PMFBP1: variants seen among roughly 807,000 people sequenced by gnomAD.
PMFBP1 encodes the protein polyamine-modulated factor 1-binding protein 1.
PMFBP1 carries 131 observed loss-of-function variants against 137.8 expected under a neutral mutation model. That is an observed-to-expected ratio of 0.95 (90% CI 0.82 to 1.10). The LOEUF is 1.10. PMFBP1 is among the 50% of genes least tolerant of loss of function. The probability of loss-of-function intolerance (pLI) is 0.00; values close to 1 mark genes in which losing one functional copy is unlikely to be tolerated. For synonymous variants in PMFBP1, 490 were observed against 450.4 expected, an observed-to-expected ratio of 1.09 and a Z score of -1.11; for missense variants, 1,199 against 1,175.4, an observed-to-expected ratio of 1.02 and a Z score of -0.29.
At chr16:72,135,740 G>GTTTTTTTTT (rs869189990) in intron 9 of PMFBP1, among the ~76,000 whole-genome samples, 37 of 66,818 alleles carry the variant, frequency 5.5e-4, no homozygotes, top group Non-Finnish European at 6.5e-4. Flanking sequence ...TAATTTTTCT[G>GTTTTTTTTT]TTTTTTTTTT....
chr16:72,174,779 A>G (rs760326458), upstream of PMFBP1, among the ~76,000 whole-genome samples: 15 of 152,154 alleles, frequency 9.9e-5, no homozygotes, highest in Non-Finnish European at 1.6e-4. Context: ...CTCATTCACT[A>G]TCACGAGAAC....
chr16:72,196,003 GT>G, the PMFBP1 span, among the ~76,000 whole-genome samples: 1 of 151,526 alleles, frequency 6.6e-6, no homozygotes, highest in South Asian at 2.1e-4. Context: ...GTGTGTGTGT[GT>G]GTGTGTGTGT....
chr16:72,230,226 T>C, the PMFBP1 span, among the ~76,000 whole-genome samples: 1 of 152,230 alleles, frequency 6.6e-6, no homozygotes, highest in Admixed American at 6.5e-5. Flanking sequence ...ACCTCTCTGA[T>C]TGTCTTCCCT....
chr16:72,245,238 T>C, the PMFBP1 span, among the ~76,000 whole-genome samples: 1 of 152,358 alleles, frequency 6.6e-6, no homozygotes, highest in Admixed American at 6.5e-5. Context: ...TTATAACTAA[T>C]ATTTTTGAGC....
At chr16:72,154,004 T>G (rs1047718574) in intron 4 of PMFBP1, among the ~76,000 whole-genome samples, 2 of 150,078 alleles carry the variant, frequency 1.3e-5, no homozygotes, top group Non-Finnish European at 3.0e-5. Flanking sequence ...GCATGAATAC[T>G]GCAGCTTTCA....
At chr16:72,202,997 G>A in the PMFBP1 span, among the ~76,000 whole-genome samples, 1 of 152,270 alleles carries the variant, frequency 6.6e-6, no homozygotes, top group Non-Finnish European at 1.5e-5. Flanking sequence ...GTATTTTTCA[G>A]ACTTGGAAAT....
At chr16:72,245,471 T>C in the PMFBP1 span, among the ~76,000 whole-genome samples, 1 of 152,226 alleles carries the variant, frequency 6.6e-6, no homozygotes, top group African/African-American at 2.4e-5. Context: ...TGTAGTTTAG[T>C]AAACCATGAA....
the PMFBP1 span, among the ~76,000 whole-genome samples, chr16:72,187,736 T>A: frequency 6.6e-6 from 1 of 152,230 alleles, no homozygotes; most frequent in African/African-American, 2.4e-5. Context: ...AATTACCTTT[T>A]ACTCCCTCTG....
chr16:72,156,023 A>G (rs1473931054), intron 3 of PMFBP1, among the ~76,000 whole-genome samples: 2 of 152,068 alleles, frequency 1.3e-5, no homozygotes, highest in Non-Finnish European at 2.9e-5. Flanking sequence ...GTCTTGCTCC[A>G]TTGCCCAGGC....
intron 10 of PMFBP1, 98 bp from the exon 11 acceptor site, chr16:72,130,820 C>G: frequency 8.8e-7 from 1 of 1,134,304 alleles, no homozygotes; most frequent in East Asian, 2.6e-5. Context: ...ATTTTGTGCC[C>G]TACTTCAGTT....
At chr16:72,181,906 GGAA>G in the PMFBP1 span, among the ~76,000 whole-genome samples, 2 of 152,132 alleles carry the variant, frequency 1.3e-5, no homozygotes, top group Non-Finnish European at 2.9e-5. Context: ...GAGCCACATT[GGAA>G]GAAGAAGAAT....
chr16:72,163,622 C>T (rs975118070), intron 3 of PMFBP1, among the ~76,000 whole-genome samples: 1 of 152,062 alleles, frequency 6.6e-6, no homozygotes, highest in Admixed American at 6.5e-5. Context: ...GAGTGGGAGA[C>T]TGAAACAAGG....
chr16:72,241,452 A>G, the PMFBP1 span, among the ~76,000 whole-genome samples: 2 of 152,234 alleles, frequency 1.3e-5, no homozygotes. Flanking sequence ...AAAATTTCAA[A>G]GCCATCATAC....
the PMFBP1 span, among the ~76,000 whole-genome samples, chr16:72,182,237 G>A: frequency 1.3e-5 from 2 of 152,224 alleles, no homozygotes; most frequent in African/African-American, 4.8e-5. Context: ...GCTTACACCT[G>A]TAATCCCAGC....
the PMFBP1 span, among the ~76,000 whole-genome samples, chr16:72,209,399 T>C: frequency 6.6e-6 from 1 of 152,174 alleles, no homozygotes; most frequent in East Asian, 1.9e-4. Flanking sequence ...ACTGTACATA[T>C]ATTTTCAGTT....
At chr16:72,126,161 G>T in intron 14 of PMFBP1, 29 bp from the exon 15 acceptor site, 1 of 1,610,804 alleles carries the variant, frequency 6.2e-7, no homozygotes, top group Non-Finnish European at 8.5e-7. Flanking sequence ...GAACTGTCAG[G>T]GTGCCAGGTC....
At chr16:72,128,233 T>C (rs969077224) in intron 14 of PMFBP1, 4 of 500,376 alleles carry the variant, frequency 8.0e-6, no homozygotes, top group Admixed American at 8.1e-5. Flanking sequence ...GCTTAGCATA[T>C]GTCAGATGCT....
the PMFBP1 span, among the ~76,000 whole-genome samples, chr16:72,207,763 T>G: frequency 2.0e-5 from 3 of 149,372 alleles, no homozygotes; most frequent in African/African-American, 7.6e-5. Flanking sequence ...TACACACACA[T>G]ATACATATAT....
the PMFBP1 span, among the ~76,000 whole-genome samples, chr16:72,248,471 CA>C: frequency 1.3e-5 from 2 of 150,382 alleles, no homozygotes; most frequent in Admixed American, 6.6e-5. Context: ...GAATATCTGC[CA>C]AAAAAAAATC....
Sources: gnomAD v4.1 joint callset for allele counts (sites outside exome capture counted in the v4.1 genomes callset) on GRCh38, gnomAD v4.1.1 for gene constraint, MANE v1.5 for transcripts, NCBI Gene and HGNC (gene_info 2026-07-23, HGNC 2026-07-21) for gene names.